Variants in PKIB observed in about 807,000 individuals in gnomAD.
PKIB encodes the protein PKI-beta.
PKIB carries 2 observed loss-of-function variants against 4.5 expected under a neutral mutation model. The observed-to-expected ratio is 0.44, with a 90% CI of 0.18 to 1.39. The LOEUF is 1.39. Among genes scored for constraint, PKIB ranks in the 40% most tolerant of loss-of-function variants. The pLI is 0.27. For synonymous variants in PKIB, 38 were observed against 36.0 expected (o/e 1.06, Z -0.20); for missense variants, 94 against 92.6 (o/e 1.02, Z -0.06).
intron 2 of PKIB, among the ~76,000 whole-genome samples, chr6:122,493,884 G>A (rs566972696): frequency 2.8e-4 from 43 of 152,134 alleles, no homozygotes; most frequent in African/African-American, 1.0e-3. Context: ...CACTAATCCT[G>A]TTCTTGCAGT....
At chr6:122,722,872 A>G (rs2115094062) in intron 4 of PKIB, among the ~76,000 whole-genome samples, 1 of 152,208 alleles carries the variant, frequency 6.6e-6, no homozygotes, top group Middle Eastern at 3.4e-3. Flanking sequence ...CTCTCACCCT[A>G]ATAAGATTTT....
At chr6:122,532,445 C>T (rs1161117895) in intron 2 of PKIB, among the ~76,000 whole-genome samples, 1 of 152,060 alleles carries the variant, frequency 6.6e-6, no homozygotes, top group Non-Finnish European at 1.5e-5. Context: ...GCATTAGGTG[C>T]ATTAACATTG....
At chr6:122,541,048 C>G (rs1455213800) in intron 2 of PKIB, among the ~76,000 whole-genome samples, 1 of 151,240 alleles carries the variant, frequency 6.6e-6, no homozygotes, top group Non-Finnish European at 1.5e-5. Context: ...GATCTTCCTC[C>G]ATCCTTTTAT....
At chr6:122,605,669 T>TCCTCC (rs1480405874), upstream of PKIB, among the ~76,000 whole-genome samples, 2 of 151,990 alleles carry the variant, frequency 1.3e-5, no homozygotes, top group South Asian at 2.1e-4. Context: ...AGTGGGCGAA[T>TCCTCC]CCTCCCCTCC....
At chr6:122,573,904 A>G (rs1029160490) in intron 2 of PKIB, among the ~76,000 whole-genome samples, 1 of 152,204 alleles carries the variant, frequency 6.6e-6, no homozygotes, top group African/African-American at 2.4e-5. Flanking sequence ...GCAACATAGT[A>G]CTGGAAGTTT....
At chr6:122,673,015 A>G (rs1365501075) in intron 2 of PKIB, among the ~76,000 whole-genome samples, 1 of 152,086 alleles carries the variant, frequency 6.6e-6, no homozygotes, top group Non-Finnish European at 1.5e-5. Flanking sequence ...TACATTAGTA[A>G]TAAAAAACAT....
intron 3 of PKIB, among the ~76,000 whole-genome samples, chr6:122,590,023 A>C (rs1277224064): frequency 6.6e-6 from 1 of 152,204 alleles, no homozygotes; most frequent in East Asian, 1.9e-4. Flanking sequence ...AATAGAAATC[A>C]GAAAAAAATG....
intron 2 of PKIB, among the ~76,000 whole-genome samples, chr6:122,541,972 C>A: frequency 6.6e-6 from 1 of 152,060 alleles, no homozygotes; most frequent in East Asian, 1.9e-4. Flanking sequence ...CAGTTGATCG[C>A]ATCGGCTCCT....
At chr6:122,564,493 G>A (rs1451504762) in intron 2 of PKIB, among the ~76,000 whole-genome samples, 1 of 152,144 alleles carries the variant, frequency 6.6e-6, no homozygotes, top group African/African-American at 2.4e-5. Flanking sequence ...AGCAGTCTAT[G>A]ACTAAGTGGT....
chr6:122,506,435 A>AT (rs1431629279), intron 2 of PKIB, among the ~76,000 whole-genome samples: 1 of 152,114 alleles, frequency 6.6e-6, no homozygotes, highest in Non-Finnish European at 1.5e-5. Context: ...TAATTTGGGA[A>AT]TTATGTTTAG....
intron 2 of PKIB, among the ~76,000 whole-genome samples, chr6:122,520,661 T>TTTCCTCC (rs1562237597): frequency 1.8e-5 from 1 of 55,546 alleles, no homozygotes. Flanking sequence ...AAGTTTATGT[T>TTTCCTCC]CCCACCCCCC....
At chr6:122,655,997 T>G (rs957670468) in intron 2 of PKIB, among the ~76,000 whole-genome samples, 1 of 152,166 alleles carries the variant, frequency 6.6e-6, no homozygotes, top group Non-Finnish European at 1.5e-5. Flanking sequence ...TATTTTTGTA[T>G]TTTTTTCTCC....
chr6:122,719,514 A>G lies in PKIB; in HGVS notation c.169+1551A>G, dbSNP rs1183032106. ...ATCTTATTCATGGAATCTGAAAGAGACAAACTGCTAGAATCAGAGAGTAGA... is the reference window on the plus strand; with the variant it reads ...ATCTTATTCATGGAATCTGAAAGAGGCAAACTGCTAGAATCAGAGAGTAGA... On this transcript the variant is annotated intron_variant, in intron 4 of 4. Transcript: ENST00000368452. 3.3e-5 allele frequency among the ~76,000 whole-genome samples: 5 copies of G among 152,190 alleles called. No homozygotes were observed. The East Asian group carries it at 9.6e-4, about 29-fold the overall frequency.
intron 2 of PKIB, among the ~76,000 whole-genome samples, chr6:122,653,195 A>G (rs1350402517): frequency 6.6e-6 from 1 of 152,192 alleles, no homozygotes; most frequent in Admixed American, 6.5e-5. Flanking sequence ...AAAATGTACT[A>G]AAAAGAAAAT....
chr6:122,663,678 G>A (rs1490172996), intron 2 of PKIB, among the ~76,000 whole-genome samples: 1 of 152,068 alleles, frequency 6.6e-6, no homozygotes, highest in Non-Finnish European at 1.5e-5. Flanking sequence ...TCTTTACGTT[G>A]TCTTCCCTCC....
At chr6:122,579,128 T>C (rs537306443) in intron 2 of PKIB, among the ~76,000 whole-genome samples, 13 of 152,264 alleles carry the variant, frequency 8.5e-5, no homozygotes, top group South Asian at 8.3e-4. Context: ...TTTCATGACT[T>C]CTCATGACTT....
At chr6:122,689,176 T>C (rs1182656090) in intron 3 of PKIB, among the ~76,000 whole-genome samples, 1 of 152,182 alleles carries the variant, frequency 6.6e-6, no homozygotes. Flanking sequence ...TTAGTCTGGC[T>C]AAAGGTTTGT....
Position 122,537,361 on chromosome 6 carries a change from C to T in PKIB, c.-247-48560C>T, listed in dbSNP as rs185292421. On this transcript the variant is annotated intron_variant, in intron 2 of 6. Coordinates refer to the PKIB transcript ENST00000392491. Reference sequence around the variant, plus strand: ...ACCCCAGTGTGTGATGTTCCCCTTCCTGTGTCCATGTGTTTTCCTTGTTCA... The same window carrying T: ...ACCCCAGTGTGTGATGTTCCCCTTCTTGTGTCCATGTGTTTTCCTTGTTCA... Among the ~76,000 whole-genome samples the T allele has an allele frequency of 1.4e-4, 21 of 152,140 alleles. No homozygotes were observed. In the East Asian group the frequency reaches 4.1e-3, roughly 30 times the overall value.
intron 1 of PKIB, among the ~76,000 whole-genome samples, chr6:122,623,311 T>C (rs1028859062): frequency 6.6e-6 from 1 of 152,192 alleles, no homozygotes; most frequent in Non-Finnish European, 1.5e-5. Context: ...AATTAGCTCT[T>C]GTAAGGAAGA....
Sources: allele counts gnomAD v4.1 joint callset (sites outside exome capture counted in the v4.1 genomes callset), GRCh38; gene constraint gnomAD v4.1.1; transcripts MANE v1.5; gene names NCBI Gene and HGNC (gene_info 2026-07-23, HGNC 2026-07-21).